Variants in AGAP1 observed in about 807,000 individuals in gnomAD.
AGAP1 encodes the protein arf-GAP with GTPase, ANK repeat and PH domain-containing protein 1.
A neutral mutation model predicts 105.3 loss-of-function variants in AGAP1; 29 were observed. That is an observed-to-expected ratio of 0.28 (90% CI 0.21 to 0.38). The LOEUF (loss-of-function observed/expected upper bound fraction) is 0.38. Ranked by LOEUF, AGAP1 falls within the 10% of genes least tolerant of loss-of-function variation. The probability of loss-of-function intolerance (pLI) is 1.00; values close to 1 mark genes in which losing one functional copy is unlikely to be tolerated. For missense variants in AGAP1, 998 were observed against 1,165.1 expected (o/e 0.86, Z 2.09); for synonymous variants, 509 against 485.9 (o/e 1.05, Z -0.63).
intron 9 of AGAP1, among the ~76,000 whole-genome samples, chr2:235,859,345 C>A (rs1386991386): frequency 6.6e-6 from 1 of 150,900 alleles, no homozygotes; most frequent in Non-Finnish European, 1.5e-5. Flanking sequence ...CCATTACTGG[C>A]CCGGTGAGAA....
intron 1 of AGAP1, among the ~76,000 whole-genome samples, chr2:235,618,880 C>T (rs115698750): frequency 1.2e-4 from 18 of 152,142 alleles, no homozygotes; most frequent in African/African-American, 3.9e-4. Context: ...AAGGACCTTG[C>T]GTTGGGAGAT....
rs1273668868 is a variant in AGAP1, at chr2:235,691,779, C to T, written c.164-17400C>T. Among the ~76,000 whole-genome samples, 2 of 152,194 alleles carry T rather than the reference C, an allele frequency of 1.3e-5. No homozygotes were observed. Among genetic ancestry groups the T allele is most frequent in the Admixed American group, 6.5e-5 (1 of 15,284 alleles). Reference sequence around the variant, plus strand: ...TGAGTGTGACCTCCGTCATGTTGACCCCTGCACTCCTGCCCGCCCCCCATT... The same window carrying T: ...TGAGTGTGACCTCCGTCATGTTGACTCCTGCACTCCTGCCCGCCCCCCATT... On this transcript the variant is annotated intron_variant, in intron 1 of 17. Transcript: ENST00000304032. This position sits in a 1 kb window ranked among gnomAD's most constrained non-coding sequence, Gnocchi z 4.4.
At chr2:236,052,660 C>T (rs1482581031) in intron 16 of AGAP1, among the ~76,000 whole-genome samples, 1 of 152,042 alleles carries the variant, frequency 6.6e-6, no homozygotes, top group Non-Finnish European at 1.5e-5. Context: ...TTTAATTACT[C>T]CCAGGAAGAA....
chr2:235,933,823 G>T (rs185675413), intron 12 of AGAP1, among the ~76,000 whole-genome samples: 1 of 152,142 alleles, frequency 6.6e-6, no homozygotes, highest in African/African-American at 2.4e-5. Flanking sequence ...GAGCCACCGC[G>T]CCCGGCCTTT....
intron 16 of AGAP1, among the ~76,000 whole-genome samples, chr2:236,112,490 A>G (rs1160353597): frequency 6.6e-6 from 1 of 151,628 alleles, no homozygotes; most frequent in Non-Finnish European, 1.5e-5. Context: ...TTCTGTAAAC[A>G]TAAATGCTTC....
Position 235,517,294 on chromosome 2 carries a change from T to G in AGAP1, c.163+22445T>G, listed in dbSNP as rs2316435. Among the ~76,000 whole-genome samples the G allele has an allele frequency of 6.6e-6, 1 of 152,080 alleles. No homozygotes were observed. The highest frequency in any genetic ancestry group is 1.9e-4 in the East Asian group (1 of 5,178). On this transcript the variant is annotated intron_variant, in intron 1 of 17. Transcript: ENST00000304032. The surrounding 1 kb of genome is among the most constrained non-coding windows in gnomAD (Gnocchi z 4.1). ...GACCTTATCTCCAGCGACAGTCACC[T>G]TGGGGTGTGAGCCTCTGCAGAGGAA...
rs540120389 is a variant in AGAP1, at chr2:236,125,614, G to A, written c.*1492G>A. 1.4e-4 allele frequency: 22 copies of A among 152,304 alleles called. No homozygotes were observed. The highest frequency in any genetic ancestry group is 4.3e-4 in the African/African-American group (18 of 41,564). 9.4% of individuals were successfully genotyped at this position (152,304 alleles called of 1,614,324 possible). A position where few individuals can be genotyped will look rare whatever the true frequency, so the allele number is the denominator to read the frequency against. On this transcript the variant is annotated 3_prime_UTR_variant, in exon 18 of 18. Coordinates refer to ENST00000304032, the MANE Select transcript of AGAP1 (RefSeq NM_001037131.3). The surrounding 1 kb of genome is among the most constrained non-coding windows in gnomAD (Gnocchi z 5.2). ...CTCTGGCAAGATGGGGTGGTTTTCC[G>A]AATGCCAGACCGAGGTGCCTTACGA... is the stretch of plus-strand genomic sequence containing the variant.
intron 9 of AGAP1, among the ~76,000 whole-genome samples, chr2:235,841,532 G>GGAGGCTGAA (rs1960843444): frequency 2.0e-5 from 3 of 152,114 alleles, no homozygotes; most frequent in Non-Finnish European, 4.4e-5. Context: ...TGGAGGCTGA[G>GGAGGCTGAA]GTAGAAGGAT....
chr2:236,121,006 A>G lies in AGAP1; in HGVS notation c.2370+559A>G, dbSNP rs56890225. ...CAGAGAGGCCCTGCCTGTGCCACCC[A>G]GGAGCTACGTCTGAGAAGCCACGCC... On this transcript the variant is annotated intron_variant, in intron 17 of 17. Transcript: ENST00000304032. This position sits in a 1 kb window ranked among gnomAD's most constrained non-coding sequence, Gnocchi z 4.9. Among the ~76,000 whole-genome samples, 4,632 of 152,352 alleles carry G rather than the reference A, an allele frequency of 0.03. 246 individuals carry two copies. The highest frequency in any genetic ancestry group is 0.11 in the African/African-American group (4,368 of 41,572).
In AGAP1 at chr2:235,701,253, A is replaced by G. The variant is rs140624469; in HGVS notation, c.164-7926A>G. ...CCTCTAGAGCCCATTTGGGCCGGCA[A>G]ACTTTTGCCTTGGGATTTCCTTAGA... On this transcript the variant is annotated intron_variant, in intron 1 of 17. Transcript: ENST00000304032. This position sits in a 1 kb window ranked among gnomAD's most constrained non-coding sequence, Gnocchi z 4.1. Among the ~76,000 whole-genome samples, 809 of 152,158 alleles carry G rather than the reference A, an allele frequency of 5.3e-3. 8 individuals are homozygous for G. The highest frequency in any genetic ancestry group is 0.018 in the African/African-American group (748 of 41,498).
At chr2:235,757,878 C>G (rs1416416235) in intron 6 of AGAP1, among the ~76,000 whole-genome samples, 4 of 152,168 alleles carry the variant, frequency 2.6e-5, no homozygotes, top group African/African-American at 9.7e-5. Context: ...TTTGTGCAAC[C>G]TAATTGCACG....
At chr2:235,522,992 G>A (rs890537192) in intron 1 of AGAP1, among the ~76,000 whole-genome samples, 3 of 152,156 alleles carry the variant, frequency 2.0e-5, no homozygotes, top group African/African-American at 7.2e-5. Context: ...AGACTGAGTG[G>A]CTTCAACAAT....
intron 12 of AGAP1, among the ~76,000 whole-genome samples, chr2:235,939,778 GT>G (rs2053171038): frequency 6.6e-6 from 1 of 152,062 alleles, no homozygotes; most frequent in Non-Finnish European, 1.5e-5. Flanking sequence ...ACACACACAG[GT>G]TTTTCCTGCT....
intron 1 of AGAP1, among the ~76,000 whole-genome samples, chr2:235,669,402 T>C (rs1336502927): frequency 2.0e-5 from 3 of 151,930 alleles, no homozygotes; most frequent in African/African-American, 7.2e-5. Context: ...GTGGGCGTGG[T>C]TTTAGGGTGC....
At chr2:235,785,115 TTC>T (rs1956542213) in intron 6 of AGAP1, among the ~76,000 whole-genome samples, 1 of 152,250 alleles carries the variant, frequency 6.6e-6, no homozygotes, top group African/African-American at 2.4e-5. Context: ...CCAAGACATC[TTC>T]TCTCCCCCAC....
At chr2:235,862,422 G>A (rs1306822077) in intron 9 of AGAP1, among the ~76,000 whole-genome samples, 2 of 152,220 alleles carry the variant, frequency 1.3e-5, no homozygotes, top group Non-Finnish European at 2.9e-5. Flanking sequence ...CACATGGAAT[G>A]TTTCTGGAGA....
In AGAP1 at chr2:235,890,589, G is replaced by T. The variant is rs531702672; in HGVS notation, c.1155+7140G>T. On this transcript the variant is annotated intron_variant, in intron 10 of 17. Coordinates refer to ENST00000304032, the MANE Select transcript of AGAP1 (RefSeq NM_001037131.3). ...TCAGCCACCAGTTGACAGTGGGCGG[G>T]GGCTGCCCAGCCTGTCCAGGAGCTG... Among the ~76,000 whole-genome samples, 18 of 152,284 alleles carry T rather than the reference G, an allele frequency of 1.2e-4. No individual in the cohort carries two copies. In the South Asian group the frequency reaches 2.5e-3, roughly 21 times the overall value.
At chr2:235,541,976 G>A (rs111934759) in intron 1 of AGAP1, among the ~76,000 whole-genome samples, 9,864 of 152,070 alleles carry the variant, frequency 0.065, 452 homozygotes, top group South Asian at 0.18. Flanking sequence ...TTCTTCTAAC[G>A]GCTGCATTAT....
At chr2:235,774,049 A>T in intron 6 of AGAP1, 1 of 443,580 alleles carries the variant, frequency 2.3e-6, no homozygotes. Flanking sequence ...TATGACTACG[A>T]TGAACAAAAG....
Sources: gnomAD v4.1 joint callset for allele counts (sites outside exome capture counted in the v4.1 genomes callset) on GRCh38, gnomAD v4.1.1 for gene constraint, Gnocchi (gnomAD v3.1) non-coding constraint, MANE v1.5 for transcripts, NCBI Gene and HGNC (gene_info 2026-07-23, HGNC 2026-07-21) for gene names.